Variants in PRDM16 observed in about 807,000 individuals in gnomAD.
The protein encoded by PRDM16 is PR/SET domain 16.
PRDM16 carries 23 observed loss-of-function variants against 110.6 expected under a neutral mutation model. The observed-to-expected ratio is 0.21, with a 90% CI of 0.15 to 0.29. The LOEUF (loss-of-function observed/expected upper bound fraction) is 0.29. Ranked by LOEUF, PRDM16 falls within the 10% of genes least tolerant of loss-of-function variation. The pLI is 1.00. For synonymous variants in PRDM16, 799 were observed against 781.8 expected, an observed-to-expected ratio of 1.02 and a Z score of -0.37; for missense variants, 1,615 against 1,794.3, an observed-to-expected ratio of 0.90 and a Z score of 1.81.
intron 3 of PRDM16, among the ~76,000 whole-genome samples, chr1:3,287,130 G>A (rs1640863000): frequency 6.6e-6 from 1 of 152,220 alleles, no homozygotes; most frequent in Admixed American, 6.5e-5. Context: ...CACTGGGGCG[G>A]CAGCATGGAC....
chr1:3,250,691 G>C (rs1028082153), intron 3 of PRDM16, among the ~76,000 whole-genome samples: 3 of 152,256 alleles, frequency 2.0e-5, no homozygotes, highest in African/African-American at 7.2e-5. Flanking sequence ...CAGGGCCTGA[G>C]GGTGCAGGGG....
At chr1:3,325,252 G>T (rs72849082) in intron 3 of PRDM16, among the ~76,000 whole-genome samples, 4 of 152,328 alleles carry the variant, frequency 2.6e-5, no homozygotes, top group African/African-American at 9.6e-5. Context: ...GGAGTGACTT[G>T]GGTAAGCTGC....
chr1:3,367,489 A>G (rs1642836970), intron 3 of PRDM16, among the ~76,000 whole-genome samples: 1 of 152,166 alleles, frequency 6.6e-6, no homozygotes, highest in African/African-American at 2.4e-5. Context: ...GCTACCTTTC[A>G]GCTGATCCCA....
rs1237557584 is a variant in PRDM16, at chr1:3,430,755, G to C, written c.3285-117G>C. On this transcript the variant is annotated intron_variant, in intron 14 of 16. Transcript: ENST00000270722. ...GACCCGCGGGAGCTCCCTCAGGAAG[G>C]GGGCTGAGTGTTGTCGGGGGAGGCA... The C allele has an allele frequency of 9.6e-6, 12 of 1,249,002 alleles. No homozygotes were observed. The East Asian group carries it at 1.9e-4, about 20-fold the overall frequency. The allele number at this position is 1,249,002 out of a possible 1,614,324, so 77.4% of individuals were successfully genotyped here.
chr1:3,145,175 G>GT (rs1235258249), intron 1 of PRDM16, among the ~76,000 whole-genome samples: 2 of 152,194 alleles, frequency 1.3e-5, no homozygotes, highest in African/African-American at 2.4e-5. Flanking sequence ...GTGTCAGCAG[G>GT]AAACCGCCCC....
At chr1:3,099,164 C>A (rs1429933361) in intron 1 of PRDM16, among the ~76,000 whole-genome samples, 1 of 152,232 alleles carries the variant, frequency 6.6e-6, no homozygotes, top group Non-Finnish European at 1.5e-5. Context: ...ACACATGGCC[C>A]CTGGGGTGCT....
chr1:3,186,707 C>T (rs1644272816), intron 2 of PRDM16: 10 of 456,122 alleles, frequency 2.2e-5, no homozygotes, highest in Middle Eastern at 5.5e-4. Context: ...CACTCTCTCC[C>T]GGAAATGTGT....
At position 3,319,229 on chromosome 1, in the gene PRDM16, G is replaced by T. The variant is rs58413600; in HGVS notation, c.439-65923G>T. 4.7e-3 allele frequency among the ~76,000 whole-genome samples: 717 copies of T among 152,294 alleles called. 7 individuals are homozygous for T. Among genetic ancestry groups the T allele is most frequent in the African/African-American group, 0.016 (675 of 41,560 alleles). ...GGCAGGGATGGGGAGCTAGGAGAGG[G>T]CTTTGATGTGAGGGATCATTGGGTC... On this transcript the variant is annotated intron_variant, in intron 3 of 16. Coordinates refer to ENST00000270722, the MANE Select transcript of PRDM16 (RefSeq NM_022114.4).
intron 9 of PRDM16, among the ~76,000 whole-genome samples, chr1:3,413,326 A>C (rs1643726589): frequency 6.6e-6 from 1 of 151,912 alleles, no homozygotes; most frequent in South Asian, 2.1e-4. Context: ...CCCCGGGGGA[A>C]TCAGAGAAGG....
rs1025719676 is a variant in PRDM16, at chr1:3,244,019, T to G, written c.388-68T>G. 1.3e-6 allele frequency: 2 copies of G among 1,529,142 alleles called. No individual in the cohort carries two copies. The highest frequency in any genetic ancestry group is 1.8e-6 in the Non-Finnish European group (2 of 1,102,850). The allele number at this position is 1,529,142 out of a possible 1,614,324, so 94.7% of individuals were successfully genotyped here. ...GGGACAGTGGTTCTGCCCCCACCATTTAGAACCCAGTGTAGCTTGAGAATG... is the reference window on the plus strand; with the variant it reads ...GGGACAGTGGTTCTGCCCCCACCATGTAGAACCCAGTGTAGCTTGAGAATG... On this transcript the variant is annotated intron_variant, in intron 2 of 16. Coordinates refer to ENST00000270722, the MANE Select transcript of PRDM16 (RefSeq NM_022114.4). The surrounding 1 kb of genome is among the most constrained non-coding windows in gnomAD (Gnocchi z 4.1).
At chr1:3,156,646 G>A (rs1643862472) in intron 1 of PRDM16, among the ~76,000 whole-genome samples, 1 of 152,170 alleles carries the variant, frequency 6.6e-6, no homozygotes, top group Non-Finnish European at 1.5e-5. Flanking sequence ...AAACAAATCT[G>A]CTTTGGGAAT....
At chr1:3,181,138 G>A (rs867797452) in intron 1 of PRDM16, among the ~76,000 whole-genome samples, 94 of 112,816 alleles carry the variant, frequency 8.3e-4, no homozygotes, top group African/African-American at 2.3e-3. Context: ...TCTTACACGC[G>A]GTCTTACACA....
chr1:3,334,317 G>A (rs1043657557), intron 3 of PRDM16, among the ~76,000 whole-genome samples: 5 of 152,096 alleles, frequency 3.3e-5, no homozygotes, highest in African/African-American at 1.2e-4. Context: ...GGTTGCCACA[G>A]GTCCCACCAC....
chr1:3,422,677 G>A (rs1363880365), intron 12 of PRDM16, among the ~76,000 whole-genome samples: 1 of 152,222 alleles, frequency 6.6e-6, no homozygotes, highest in Non-Finnish European at 1.5e-5. Context: ...GAGATTGTGT[G>A]GGACACGTCG....
At chr1:3,250,984 G>A (rs1264746675) in intron 3 of PRDM16, among the ~76,000 whole-genome samples, 4 of 152,206 alleles carry the variant, frequency 2.6e-5, no homozygotes, top group Non-Finnish European at 5.9e-5. Context: ...GGTGGCTCTG[G>A]GGACCCTGCT....
In PRDM16 at chr1:3,336,102, T is replaced by A. The variant is rs1642140064; in HGVS notation, c.439-49050T>A. Among the ~76,000 whole-genome samples, 3 of 152,112 alleles carry A rather than the reference T, an allele frequency of 2.0e-5. No individual in the cohort carries two copies. In the South Asian group the frequency reaches 6.2e-4, roughly 32 times the overall value. ...CAGCTGTGCCTGAGAACAGTGAAGA[T>A]GAAGGGAGAGAGGGTGTGGGGTCTG... On this transcript the variant is annotated intron_variant, in intron 3 of 16. Coordinates refer to ENST00000270722, the MANE Select transcript of PRDM16 (RefSeq NM_022114.4).
chr1:3,197,646 T>C (rs1638513181), intron 2 of PRDM16, among the ~76,000 whole-genome samples: 1 of 152,160 alleles, frequency 6.6e-6, no homozygotes, highest in African/African-American at 2.4e-5. Context: ...TCTTTTAATT[T>C]TGAGTAATTT....
At position 3,175,524 on chromosome 1, in the gene PRDM16, AC is replaced by A. The variant is rs1468668362; in HGVS notation, c.38-10600del. ...GACTCATAGGCACCCAGTTGGGGGAACATTCTCCAGGTCTCTGACCCACTAC... is the reference window on the plus strand; with the variant it reads ...GACTCATAGGCACCCAGTTGGGGGAAATTCTCCAGGTCTCTGACCCACTAC... On this transcript the variant is annotated intron_variant, in intron 1 of 16. Transcript: ENST00000270722. This position sits in a 1 kb window ranked among gnomAD's most constrained non-coding sequence, Gnocchi z 4.8. Among the ~76,000 whole-genome samples, 2 of 152,212 alleles carry A rather than the reference AC, an allele frequency of 1.3e-5. No individual in the cohort carries two copies. Among genetic ancestry groups the A allele is most frequent in the East Asian group, 1.9e-4 (1 of 5,174 alleles).
chr1:3,429,501 G>T (rs1431963985), intron 14 of PRDM16, among the ~76,000 whole-genome samples: 1 of 152,228 alleles, frequency 6.6e-6, no homozygotes, highest in East Asian at 1.9e-4. Context: ...CTCTCACCCT[G>T]CGCCATCTCA....
Sources: allele counts gnomAD v4.1 joint callset (sites outside exome capture counted in the v4.1 genomes callset), GRCh38; gene constraint gnomAD v4.1.1; non-coding constraint Gnocchi (gnomAD v3.1); transcripts MANE v1.5; gene names NCBI Gene and HGNC (gene_info 2026-07-23, HGNC 2026-07-21).